The following GOSR2 variants were observed in gnomAD, a reference collection of about 807,000 sequenced individuals.
GOSR2 encodes 27 kDa Golgi SNARE protein.
In GOSR2, 20 loss-of-function variants were observed where a neutral mutation model predicts 27.9. The ratio of observed to expected loss-of-function variants is 0.72; its 90% CI spans 0.50 to 1.04. The LOEUF (loss-of-function observed/expected upper bound fraction) is 1.04, where lower values mean the gene tolerates loss of function less well. GOSR2 is among the 50% of genes least tolerant of loss of function. GOSR2 has a pLI of 0.00. For missense variants in GOSR2, 261 were observed against 270.5 expected (o/e 0.97, Z 0.25); for synonymous variants, 91 against 98.8 (o/e 0.92, Z 0.47).
chr17:46,939,622 T>G lies in GOSR2; in HGVS notation c.*862T>G. On this transcript the variant is annotated 3_prime_UTR_variant, in exon 6 of 6. Coordinates refer to ENST00000640051, the MANE Select transcript of GOSR2 (RefSeq NM_004287.5). ...CAGTCTCAGCTCTAGTTTTAGTATC[T>G]CTAATTCTTTGGTTCCCTTCTCTTC... is the stretch of plus-strand genomic sequence containing the variant. 1 of 985,694 alleles carries G rather than the reference T, an allele frequency of 1.0e-6. No homozygotes were observed. The highest frequency in any genetic ancestry group is 1.2e-6 in the Non-Finnish European group (1 of 830,116). The allele number at this position is 985,694 out of a possible 1,614,324, so 61.1% of individuals were successfully genotyped here.
At chr17:46,943,836 G>A (rs894403651), downstream of GOSR2, among the ~76,000 whole-genome samples, 20 of 152,252 alleles carry the variant, frequency 1.3e-4, no homozygotes, top group African/African-American at 4.6e-4. Context: ...TCAGGACTGG[G>A]GAGAGAGAAG....
At position 46,941,951 on chromosome 17, in the gene GOSR2, A is replaced by G. The variant is rs1002318416; in HGVS notation, c.*3191A>G. 41 of 985,116 alleles carry G rather than the reference A, an allele frequency of 4.2e-5. No homozygotes were observed. The highest frequency in any genetic ancestry group is 3.1e-4 in the Admixed American group (5 of 16,250). 61.0% of individuals were successfully genotyped at this position (985,116 alleles called of 1,614,324 possible). On this transcript the variant is annotated 3_prime_UTR_variant, in exon 6 of 6. Transcript: ENST00000640051. ...TCCTAGACAGAAAGCTTCTGTCTCAAAGATGATCACATTGGTGTAAAGAGC... is the reference window on the plus strand; with the variant it reads ...TCCTAGACAGAAAGCTTCTGTCTCAGAGATGATCACATTGGTGTAAAGAGC...
chr17:46,943,335 T>C (rs1426269457), downstream of GOSR2, among the ~76,000 whole-genome samples: 1 of 152,174 alleles, frequency 6.6e-6, no homozygotes, highest in Non-Finnish European at 1.5e-5. Flanking sequence ...GGCCAGCTCT[T>C]CGCTGCCCCT....
downstream of GOSR2, among the ~76,000 whole-genome samples, chr17:46,946,596 C>T (rs1267818638): frequency 6.6e-6 from 1 of 151,666 alleles, no homozygotes; most frequent in African/African-American, 2.4e-5. Flanking sequence ...GGCATGGTGG[C>T]TCCCACCTTT....
rs2089227428 is a variant in GOSR2 at position 46,941,166 on chromosome 17, G to T, written c.*2406G>T. On this transcript the variant is annotated 3_prime_UTR_variant, in exon 6 of 6. Coordinates refer to ENST00000640051, the MANE Select transcript of GOSR2 (RefSeq NM_004287.5). ...CTTTATTACATGGACATTTACTTCA[G>T]GGGGACCACTGTAAGAAAAGCCAAA... 10 of 1,006,070 alleles carry T rather than the reference G, an allele frequency of 9.9e-6. No homozygotes were observed. Among genetic ancestry groups the T allele is most frequent in the African/African-American group, 1.7e-5 (1 of 57,834 alleles). 62.3% of individuals were successfully genotyped at this position (1,006,070 alleles called of 1,614,324 possible).
At chr17:46,932,996 T>C (rs1326585424) in intron 4 of GOSR2, 2 of 152,314 alleles carry the variant, frequency 1.3e-5, no homozygotes, top group African/African-American at 4.8e-5. Context: ...GCATCCTTGC[T>C]TTGCAATAAA....
At chr17:46,935,199 G>A (rs200631124) in intron 5 of GOSR2, 30 bp downstream of exon 5, 2 of 1,613,070 alleles carry the variant, frequency 1.2e-6, no homozygotes, top group Non-Finnish European at 1.7e-6. Flanking sequence ...ACAGAGAGAA[G>A]GCCTCTTGTT....
Position 46,940,238 on chromosome 17 carries a change from C to G in GOSR2, c.*1478C>G. On this transcript the variant is annotated 3_prime_UTR_variant, in exon 6 of 6. Transcript: ENST00000640051. ...ATAGATTAACTGAGTTTCCTGGATG[C>G]TAATTTCACACTTTCGGTTGGAGGA... The G allele has an allele frequency of 7.0e-7, 1 of 1,421,020 alleles. No homozygotes were observed. The highest frequency in any genetic ancestry group is 9.2e-7 in the Non-Finnish European group (1 of 1,091,964). The allele number at this position is 1,421,020 out of a possible 1,614,324, so 88.0% of individuals were successfully genotyped here. A position where few individuals can be genotyped will look rare whatever the true frequency, so the allele number is the denominator to read the frequency against.
At chr17:46,935,559 G>A (rs886900429) in intron 5 of GOSR2, 20 of 1,202,154 alleles carry the variant, frequency 1.7e-5, no homozygotes, top group Non-Finnish European at 2.0e-5. Context: ...TTTCCCTTAG[G>A]ACCCCTACTG....
intron 6 of GOSR2, among the ~76,000 whole-genome samples, chr17:46,962,559 A>C (rs953868022): frequency 1.3e-5 from 2 of 152,234 alleles, no homozygotes; most frequent in African/African-American, 2.4e-5. Context: ...GAAAGCTGCC[A>C]TACATCAAGT....
In GOSR2 at chr17:46,938,675, G is replaced by A. The variant is rs1418311186; in HGVS notation, c.554G>A (p.Arg185Gln). The A allele has an allele frequency of 3.1e-6, 5 of 1,613,966 alleles. No individual in the cohort carries two copies. The African/African-American group carries it at 4.0e-5, about 13-fold the overall frequency. ...SNTVMRLIEKRAFQDKYFMIG... is the reference protein window; with the variant it reads ...SNTVMRLIEKQAFQDKYFMIG... The stretch of plus-strand genomic sequence containing the variant: ...ACAGTGATGCGGCTCATCGAGAAGC[G>A]GGCTTTCCAGGACAAGTACTTTATG... The change falls in exon 6 of 6, where the codon CGG becomes CAG. Residue 185 changes from arginine (R) to glutamine (Q), a missense_variant. By Grantham distance (43) the Arg-to-Gln change is conservative. Coordinates refer to ENST00000640051, the MANE Select transcript of GOSR2 (RefSeq NM_004287.5).
At chr17:46,925,079 T>C (rs1396696409) in intron 1 of GOSR2, among the ~76,000 whole-genome samples, 1 of 151,120 alleles carries the variant, frequency 6.6e-6, no homozygotes, top group Non-Finnish European at 1.5e-5. Context: ...GTGTAGATGC[T>C]CTGTAGGCCT....
At chr17:46,950,729 G>A (rs540586200) in intron 6 of GOSR2, among the ~76,000 whole-genome samples, 1 of 152,284 alleles carries the variant, frequency 6.6e-6, no homozygotes, top group Non-Finnish European at 1.5e-5. Flanking sequence ...ACTGGTCTGT[G>A]TGGGGGCACT....
intron 1 of GOSR2, 102 bp downstream of exon 1, chr17:46,923,323 A>G (rs2085977974): frequency 2.6e-6 from 4 of 1,539,310 alleles, no homozygotes; most frequent in Non-Finnish European, 3.5e-6. Context: ...GTAGAGGCCG[A>G]GTTTTTCCGC....
At chr17:46,923,464 A>C (rs981352878) in intron 1 of GOSR2, 25 of 1,405,886 alleles carry the variant, frequency 1.8e-5, no homozygotes, top group Non-Finnish European at 2.0e-5. Flanking sequence ...CAAGTTCGTG[A>C]CTACCTGCTG....
At chr17:46,927,710 G>A (rs765753625) in intron 1 of GOSR2, among the ~76,000 whole-genome samples, 4 of 152,150 alleles carry the variant, frequency 2.6e-5, no homozygotes, top group Non-Finnish European at 5.9e-5. Flanking sequence ...TGTAGGGTTT[G>A]CCTTTCCTTG....
At chr17:46,934,791 C>T (rs2088000286) in intron 4 of GOSR2, among the ~76,000 whole-genome samples, 2 of 152,116 alleles carry the variant, frequency 1.3e-5, no homozygotes, top group African/African-American at 4.8e-5. Context: ...TTGGAATGAA[C>T]GATACTTGTG....
chr17:46,931,148 A>G lies in GOSR2; in HGVS notation c.144A>G (p.Leu48=), dbSNP rs776861115. The part of the protein sequence containing the change: ...QASIDQIFSR[L]ERLEILSSKE... ...GCATAGACCAGATATTCAGCCGTCT[A>G]GAACGTCTGGAGATTTTGTCCAGCA... is the stretch of plus-strand genomic sequence containing the variant. Residue 48 remains leucine (L), a synonymous_variant, in exon 3 of 6, where the codon CTA becomes CTG. Coordinates refer to ENST00000640051, the MANE Select transcript of GOSR2 (RefSeq NM_004287.5). The G allele has an allele frequency of 9.9e-6, 16 of 1,611,700 alleles. No individual in the cohort carries two copies. Among genetic ancestry groups the G allele is most frequent in the Admixed American group, 1.7e-5 (1 of 60,002 alleles).
chr17:46,935,016 GT>G lies in GOSR2; in HGVS notation c.337-10del, dbSNP rs747784735. 1 of 1,611,960 alleles carries G rather than the reference GT, an allele frequency of 6.2e-7. No individual in the cohort carries two copies. The highest frequency in any genetic ancestry group is 1.7e-5 in the Admixed American group (1 of 60,022). ...TAAGCAAAGTTAATCAAGTGCCTGT[GT>G]TTCTTTCACAGGACTCTGACACCAC... On this transcript the variant is annotated splice_polypyrimidine_tract_variant and intron_variant, in intron 4 of 5. Transcript: ENST00000640051.
Sources: allele counts gnomAD v4.1 joint callset (sites outside exome capture counted in the v4.1 genomes callset), GRCh38; gene constraint gnomAD v4.1.1; transcripts MANE v1.5; gene names NCBI Gene and HGNC (gene_info 2026-07-23, HGNC 2026-07-21).